Variants in TECPR2 observed in about 807,000 individuals in gnomAD.
TECPR2 encodes the protein tectonin beta-propeller repeat containing 2.
TECPR2 carries 65 observed loss-of-function variants against 138.1 expected under a neutral mutation model. The ratio of observed to expected loss-of-function variants is 0.47; its 90% confidence interval spans 0.39 to 0.58. TECPR2 has a LOEUF of 0.58. Among genes scored for constraint, TECPR2 ranks in the 20% least tolerant of loss-of-function variants. TECPR2 has a pLI of 0.00. For missense variants in TECPR2, 1,553 were observed against 1,824.5 expected, an observed-to-expected ratio of 0.85 and a Z score of 2.71; for synonymous variants, 746 against 749.8, an observed-to-expected ratio of 0.99 and a Z score of 0.08.
chr14:102,494,854 C>T (rs115287841), intron 17 of TECPR2, among the ~76,000 whole-genome samples: 164 of 150,450 alleles, frequency 1.1e-3, no homozygotes, highest in African/African-American at 3.9e-3. Context: ...TAAACTAGCT[C>T]ATTCACCTCA....
At position 102,501,433 on chromosome 14, in the gene TECPR2, T is replaced by C. The variant is rs1291290681; in HGVS notation, c.*3176T>C. On this transcript the variant is annotated 3_prime_UTR_variant, in exon 20 of 20. Coordinates refer to ENST00000359520, the MANE Select transcript of TECPR2 (RefSeq NM_014844.5). Reference sequence around the variant, plus strand: ...GATGTGCAGTTATAGTCCCAGCTACTTGGGAGGCCAAGGCAGGAGGATTAC... The same window carrying C: ...GATGTGCAGTTATAGTCCCAGCTACCTGGGAGGCCAAGGCAGGAGGATTAC... 1 of 152,220 alleles carries C rather than the reference T, an allele frequency of 6.6e-6. No homozygotes were observed. Among genetic ancestry groups the C allele is most frequent in the African/African-American group, 2.4e-5 (1 of 41,444 alleles). 9.4% of individuals were successfully genotyped at this position (152,220 alleles called of 1,614,324 possible).
At chr14:102,390,588 T>G (rs1259752898) in intron 2 of TECPR2, among the ~76,000 whole-genome samples, 1 of 152,058 alleles carries the variant, frequency 6.6e-6, no homozygotes, top group African/African-American at 2.4e-5. Context: ...AAACCAGAAA[T>G]TGGGCCAAAT....
chr14:102,394,140 A>G (rs1888253079), intron 2 of TECPR2, among the ~76,000 whole-genome samples: 1 of 152,176 alleles, frequency 6.6e-6, no homozygotes, highest in Admixed American at 6.6e-5. Flanking sequence ...TCCAGATCAT[A>G]AAGTTTCCCT....
chr14:102,374,955 G>T (rs928508136), intron 1 of TECPR2, among the ~76,000 whole-genome samples: 1 of 152,212 alleles, frequency 6.6e-6, no homozygotes, highest in Non-Finnish European at 1.5e-5. Context: ...GGGCTCTGCT[G>T]TTATGGGCCT....
chr14:102,472,957 G>C (rs976724341), intron 17 of TECPR2, among the ~76,000 whole-genome samples: 3 of 152,258 alleles, frequency 2.0e-5, no homozygotes, highest in Non-Finnish European at 4.4e-5. Flanking sequence ...AAGCTCTGCT[G>C]CCAGGCGCTC....
At chr14:102,433,688 G>A (rs1889575439) in intron 8 of TECPR2, among the ~76,000 whole-genome samples, 1 of 151,734 alleles carries the variant, frequency 6.6e-6, no homozygotes, top group South Asian at 2.1e-4. Flanking sequence ...GCCCAGCTAA[G>A]TTTTTGTATT....
intron 4 of TECPR2, among the ~76,000 whole-genome samples, chr14:102,410,703 C>CAA (rs758794893): frequency 2.0e-5 from 3 of 147,308 alleles, no homozygotes; most frequent in South Asian, 4.3e-4. Context: ...TGCCCCCCCT[C>CAA]AAAAAAAAAA....
intron 8 of TECPR2, among the ~76,000 whole-genome samples, chr14:102,432,442 CAG>C (rs780703227): frequency 2.6e-5 from 4 of 152,006 alleles, no homozygotes; most frequent in Admixed American, 6.5e-5. Context: ...TTTTTTGCGA[CAG>C]AGTTTCGCTC....
intron 1 of TECPR2, among the ~76,000 whole-genome samples, chr14:102,374,637 C>T (rs139669722): frequency 3.9e-4 from 60 of 152,222 alleles, no homozygotes; most frequent in African/African-American, 1.1e-3. Context: ...GTGATCTTCC[C>T]ACCTCAGCCT....
At chr14:102,397,084 T>C (rs1888334864) in intron 2 of TECPR2, among the ~76,000 whole-genome samples, 1 of 151,974 alleles carries the variant, frequency 6.6e-6, no homozygotes, top group African/African-American at 2.4e-5. Context: ...AGGGGGAGAA[T>C]TAAGAAGTGA....
At chr14:102,429,084 C>T (rs564921846) in intron 7 of TECPR2, among the ~76,000 whole-genome samples, 15 of 152,228 alleles carry the variant, frequency 9.9e-5, no homozygotes, top group African/African-American at 3.4e-4. Context: ...CGACCTCAGG[C>T]GATCCGCCTG....
Position 102,440,574 on chromosome 14 carries a change from T to C in TECPR2, c.2717T>C (p.Ile906Thr). Reference sequence around the variant, plus strand: ...GCCCTGAGCGATGACACGGCCTGGATCATCAGGACCAGTGGGGACCTATAC... The same window carrying C: ...GCCCTGAGCGATGACACGGCCTGGACCATCAGGACCAGTGGGGACCTATAC... ...FVALSDDTAW[I>T]IRTSGDLYLQ... Residue 906 changes from isoleucine (I) to threonine (T), a missense_variant, in exon 11 of 20, where the codon ATC becomes ACC. Physicochemically the swap from Ile to Thr is moderately conservative, Grantham distance 89. Coordinates refer to ENST00000359520, the MANE Select transcript of TECPR2 (RefSeq NM_014844.5). 1 of 1,614,138 alleles carries C rather than the reference T, an allele frequency of 6.2e-7. No homozygotes were observed. Among genetic ancestry groups the C allele is most frequent in the Non-Finnish European group, 8.5e-7 (1 of 1,180,028 alleles).
chr14:102,402,256 A>G (rs1888514118), intron 2 of TECPR2, among the ~76,000 whole-genome samples: 1 of 152,214 alleles, frequency 6.6e-6, no homozygotes, highest in Admixed American at 6.5e-5. Flanking sequence ...AAATTGGAGA[A>G]TCCACAAATT....
rs1888725933 is a variant in TECPR2 at position 102,408,469 on chromosome 14, T to G, written c.349-19T>G. The G allele has an allele frequency of 5.0e-6, 8 of 1,592,256 alleles. No individual in the cohort carries two copies. The East Asian group carries it at 1.8e-4, about 36-fold the overall frequency. ...TATCCTTTTTTTTTCTTGTGTATATTTTTATCCCTTGTTCATAGCTTCGGA... is the reference window on the plus strand; with the variant it reads ...TATCCTTTTTTTTTCTTGTGTATATGTTTATCCCTTGTTCATAGCTTCGGA... On this transcript the variant is annotated intron_variant, in intron 3 of 19. Coordinates refer to ENST00000359520, the MANE Select transcript of TECPR2 (RefSeq NM_014844.5).
In TECPR2 at chr14:102,415,896, C is replaced by T. The variant is rs1595112905; in HGVS notation, c.638+1103C>T. On this transcript the variant is annotated intron_variant, in intron 5 of 19. Transcript: ENST00000359520. The surrounding 1 kb of genome is among the most constrained non-coding windows in gnomAD (Gnocchi z 4.3). Reference sequence around the variant, plus strand: ...GTGAGATTGGCAGGCGTTGATGAGGCCCTGCGGCTGGTGGTGCCGTTGGGG... The same window carrying T: ...GTGAGATTGGCAGGCGTTGATGAGGTCCTGCGGCTGGTGGTGCCGTTGGGG... 6.6e-6 allele frequency among the ~76,000 whole-genome samples: 1 copy of T among 152,090 alleles called. No individual in the cohort carries two copies. Among genetic ancestry groups the T allele is most frequent in the Non-Finnish European group, 1.5e-5 (1 of 68,004 alleles).
At chr14:102,470,304 A>G (rs1281495601) in intron 17 of TECPR2, among the ~76,000 whole-genome samples, 1 of 139,100 alleles carries the variant, frequency 7.2e-6, no homozygotes, top group East Asian at 2.3e-4. Context: ...AGGTCTATTC[A>G]GAATTTTTTT....
intron 16 of TECPR2, among the ~76,000 whole-genome samples, chr14:102,461,589 C>A (rs1226437289): frequency 6.6e-6 from 1 of 152,238 alleles, no homozygotes; most frequent in Non-Finnish European, 1.5e-5. Flanking sequence ...ATCAGCCAGG[C>A]TGGGCTGTGC....
At position 102,440,544 on chromosome 14, in the gene TECPR2, T is replaced by C; in HGVS notation, c.2687T>C (p.Phe896Ser). 6.2e-7 allele frequency: 1 copy of C among 1,614,210 alleles called. No homozygotes were observed. Among genetic ancestry groups the C allele is most frequent in the African/African-American group, 1.3e-5 (1 of 75,066 alleles). The change falls in exon 11 of 20, where the codon TTT (phenylalanine) becomes TCT (serine). Residue 896 changes from phenylalanine (F) to serine (S), a missense_variant. Coordinates refer to ENST00000359520, the MANE Select transcript of TECPR2 (RefSeq NM_014844.5). ...HWYEALPQAV[F>S]VALSDDTAWI... ...TACGAAGCCCTGCCCCAGGCAGTGTTTGTGGCCCTGAGCGATGACACGGCC... is the reference window on the plus strand; with the variant it reads ...TACGAAGCCCTGCCCCAGGCAGTGTCTGTGGCCCTGAGCGATGACACGGCC...
chr14:102,437,396 A>G (rs1300091419), intron 9 of TECPR2, among the ~76,000 whole-genome samples: 1 of 152,094 alleles, frequency 6.6e-6, no homozygotes, highest in Non-Finnish European at 1.5e-5. Flanking sequence ...AAAATACAAA[A>G]AATAGCCGGG....
Sources: allele counts gnomAD v4.1 joint callset (sites outside exome capture counted in the v4.1 genomes callset), GRCh38; gene constraint gnomAD v4.1.1; non-coding constraint Gnocchi (gnomAD v3.1); transcripts MANE v1.5; gene names NCBI Gene and HGNC (gene_info 2026-07-23, HGNC 2026-07-21).